Variants in PPP2R2D observed in about 807,000 individuals in gnomAD.
PPP2R2D encodes serine/threonine-protein phosphatase 2A 55 kDa regulatory subunit B delta isoform.
PPP2R2D carries 9 observed loss-of-function variants against 31.1 expected under a neutral mutation model. The observed-to-expected ratio is 0.29, with a 90% CI of 0.17 to 0.51. The LOEUF (loss-of-function observed/expected upper bound fraction) is 0.51, where lower values mean the gene tolerates loss of function less well. Among genes scored for constraint, PPP2R2D ranks in the 20% least tolerant of loss-of-function variants. PPP2R2D has a pLI of 0.98. For missense variants in PPP2R2D, 391 were observed against 465.6 expected, an observed-to-expected ratio of 0.84 and a Z score of 1.48; for synonymous variants, 179 against 172.6, an observed-to-expected ratio of 1.04 and a Z score of -0.29.
the PPP2R2D span, chr10:131,969,313 A>T: frequency 6.6e-6 from 1 of 152,296 alleles, no homozygotes; most frequent in East Asian, 1.9e-4. Context: ...GGCTGCAGAA[A>T]TCCATCCTGA....
At chr10:131,922,436 C>T (rs560889850) in intron 2 of PPP2R2D, among the ~76,000 whole-genome samples, 1 of 150,214 alleles carries the variant, frequency 6.7e-6, no homozygotes, top group Admixed American at 6.7e-5. Flanking sequence ...GTACATGATA[C>T]ATACTTATCT....
Position 131,956,036 on chromosome 10 carries a change from C to T in PPP2R2D, c.*73C>T, listed in dbSNP as rs534912356. ...CATTTTTCTGTCAGAGAAAAGGCAT[C>T]ATTGTCCGCTCCATTAAGAACAGTG... On this transcript the variant is annotated 3_prime_UTR_variant, in exon 9 of 9. Transcript: ENST00000455566. The T allele has an allele frequency of 3.7e-5, 51 of 1,365,722 alleles. No homozygotes were observed. The African/African-American group carries it at 7.2e-4, about 19-fold the overall frequency. The allele number at this position is 1,365,722 out of a possible 1,614,324, so 84.6% of individuals were successfully genotyped here.
chr10:131,916,068 C>T (rs1024878065), intron 2 of PPP2R2D, among the ~76,000 whole-genome samples: 4 of 152,184 alleles, frequency 2.6e-5, no homozygotes, highest in East Asian at 1.9e-4. Flanking sequence ...TCAAATATGT[C>T]GTAGGTAAAA....
chr10:131,964,244 G>A (rs1554901872), downstream of PPP2R2D, among the ~76,000 whole-genome samples: 1 of 152,134 alleles, frequency 6.6e-6, no homozygotes, highest in African/African-American at 2.4e-5. Flanking sequence ...GGGACACAAT[G>A]AGAATATCCT....
At chr10:131,907,614 G>A (rs1045663272) in intron 2 of PPP2R2D, among the ~76,000 whole-genome samples, 1 of 152,024 alleles carries the variant, frequency 6.6e-6, no homozygotes. Context: ...GTGGTCGCGG[G>A]CACCTGTAGT....
intron 2 of PPP2R2D, among the ~76,000 whole-genome samples, chr10:131,904,203 CA>C (rs1308536061): frequency 1.1e-4 from 13 of 117,516 alleles, no homozygotes; most frequent in Admixed American, 3.6e-4. Context: ...GACTCCGTCT[CA>C]AAAAAAAAAA....
chr10:131,941,878 G>A (rs2036448437), intron 5 of PPP2R2D, among the ~76,000 whole-genome samples: 1 of 152,234 alleles, frequency 6.6e-6, no homozygotes, highest in Non-Finnish European at 1.5e-5. Context: ...ATCAAAGCGA[G>A]AAAGGCTGTG....
Position 131,957,646 on chromosome 10 carries a change from T to A in PPP2R2D, c.*1683T>A, listed in dbSNP as rs1222737855. On this transcript the variant is annotated 3_prime_UTR_variant, in exon 9 of 9. Transcript: ENST00000455566. ...CCCCTGTGGAGATGAAGGGATATGC[T>A]GATCCCCTGTCCCACTGTGGAGATG... The A allele has an allele frequency of 6.1e-6, 1 of 163,038 alleles. No individual in the cohort carries two copies. Among genetic ancestry groups the A allele is most frequent in the African/African-American group, 2.6e-5 (1 of 38,418 alleles). 10.1% of individuals were successfully genotyped at this position (163,038 alleles called of 1,614,324 possible).
chr10:131,915,656 CAG>C (rs1371793251), intron 2 of PPP2R2D, among the ~76,000 whole-genome samples: 2 of 152,190 alleles, frequency 1.3e-5, no homozygotes, highest in East Asian at 3.9e-4. Flanking sequence ...TTTTATCAGA[CAG>C]AGGCCGATGG....
At chr10:131,934,031 T>TA (rs2036292650) in intron 2 of PPP2R2D, among the ~76,000 whole-genome samples, 1 of 152,188 alleles carries the variant, frequency 6.6e-6, no homozygotes, top group Admixed American at 6.5e-5. Flanking sequence ...TAACAACATT[T>TA]TTATTACTAT....
At chr10:131,954,765 C>CG (rs2036762128) in intron 8 of PPP2R2D, among the ~76,000 whole-genome samples, 1 of 152,132 alleles carries the variant, frequency 6.6e-6, no homozygotes, top group Non-Finnish European at 1.5e-5. Context: ...ACCTTGAAGA[C>CG]GCGCCAGCGT....
intron 7 of PPP2R2D, among the ~76,000 whole-genome samples, chr10:131,946,296 A>C (rs782690486): frequency 1.1e-4 from 16 of 152,222 alleles, no homozygotes; most frequent in Non-Finnish European, 2.2e-4. Flanking sequence ...TTTATAGAGC[A>C]CTGTAGTCAG....
chr10:131,943,421 G>T (rs1405577725), intron 5 of PPP2R2D, among the ~76,000 whole-genome samples: 11 of 152,180 alleles, frequency 7.2e-5, no homozygotes, highest in African/African-American at 2.7e-4. Flanking sequence ...GGGTGCACAT[G>T]CCCATGTAGC....
At chr10:131,930,670 T>G (rs2036204663) in intron 2 of PPP2R2D, among the ~76,000 whole-genome samples, 1 of 152,236 alleles carries the variant, frequency 6.6e-6, no homozygotes, top group Non-Finnish European at 1.5e-5. Flanking sequence ...GCATGTGACC[T>G]GTTCATTTGC....
intron 2 of PPP2R2D, among the ~76,000 whole-genome samples, chr10:131,920,285 TCA>T (rs1272908409): frequency 6.8e-6 from 1 of 147,086 alleles, no homozygotes; most frequent in East Asian, 2.0e-4. Flanking sequence ...TGTAGGGACC[TCA>T]CACAGGTGGA....
At chr10:131,920,598 A>T (rs1178987270) in intron 2 of PPP2R2D, among the ~76,000 whole-genome samples, 1 of 152,194 alleles carries the variant, frequency 6.6e-6, no homozygotes, top group African/African-American at 2.4e-5. Context: ...TGGATTTTTG[A>T]TGTAGGAGGT....
At chr10:131,918,881 T>C (rs2035893588) in intron 2 of PPP2R2D, among the ~76,000 whole-genome samples, 1 of 143,170 alleles carries the variant, frequency 7.0e-6, no homozygotes. Context: ...AATGACACAG[T>C]GTAGGGACCT....
chr10:131,953,030 G>C (rs1220853276), intron 8 of PPP2R2D, among the ~76,000 whole-genome samples: 1 of 138,264 alleles, frequency 7.2e-6, no homozygotes, highest in African/African-American at 2.8e-5. Flanking sequence ...GTGACTTGCG[G>C]GTGTGCAGGG....
At chr10:131,905,416 A>C (rs2119706421) in intron 2 of PPP2R2D, among the ~76,000 whole-genome samples, 2 of 152,224 alleles carry the variant, frequency 1.3e-5, no homozygotes, top group Non-Finnish European at 2.9e-5. Context: ...CCTGGAACGT[A>C]CTTCATTCAG....
Sources: gnomAD v4.1 joint callset for allele counts (sites outside exome capture counted in the v4.1 genomes callset) on GRCh38, gnomAD v4.1.1 for gene constraint, MANE v1.5 for transcripts, NCBI Gene and HGNC (gene_info 2026-07-23, HGNC 2026-07-21) for gene names.